The following CMYA5 variants were observed in gnomAD, a reference collection of about 807,000 sequenced individuals.
CMYA5 encodes cardiomyopathy-associated protein 5.
Under a neutral mutation model 318.9 loss-of-function variants are expected in CMYA5, and 246 were observed. That is an observed-to-expected ratio of 0.77 (90% CI 0.70 to 0.86). The LOEUF (loss-of-function observed/expected upper bound fraction) is 0.86, where lower values mean the gene tolerates loss of function less well. CMYA5 is among the 40% of genes least tolerant of loss of function. CMYA5 has a pLI of 0.00. For synonymous variants in CMYA5, 1,641 were observed against 1,729.5 expected (o/e 0.95, Z 1.27); for missense variants, 4,589 against 4,678.2 (o/e 0.98, Z 0.56).
At chr5:79,727,465 A>AT (rs1050704434) in intron 1 of CMYA5, among the ~76,000 whole-genome samples, 1 of 152,028 alleles carries the variant, frequency 6.6e-6, no homozygotes, top group Non-Finnish European at 1.5e-5. Flanking sequence ...CTAACTGTAG[A>AT]TTTTTTTTCA....
rs547549842 is a variant in CMYA5 at position 79,763,162 on chromosome 5, C to T, written c.11508C>T (p.Tyr3836=). 6.2e-6 allele frequency: 10 copies of T among 1,612,588 alleles called. No homozygotes were observed. In the African/African-American group the frequency reaches 1.2e-4, roughly 19 times the overall value. The change falls in exon 9 of 13, where the codon TAC becomes TAT. Residue 3836 remains tyrosine (Y), a synonymous_variant. Transcript: ENST00000446378. ...RPTTPEATET[Y]TLEYCRQHSP... ...CCACCCCAGAGGCCACGGAGACCTA[C>T]ACTCTGGAGTACTGCAGACAGCACT...
intron 2 of CMYA5, among the ~76,000 whole-genome samples, chr5:79,742,746 C>T (rs34880864): frequency 0.29 from 43,843 of 150,634 alleles, 6,450 homozygotes; most frequent in Middle Eastern, 0.34. Context: ...GGAACTGTGC[C>T]AATCATTGAG....
At chr5:79,776,829 G>A (rs776276374) in intron 9 of CMYA5, among the ~76,000 whole-genome samples, 3 of 149,724 alleles carry the variant, frequency 2.0e-5, no homozygotes, top group Non-Finnish European at 4.4e-5. Context: ...CTGCAGTGAC[G>A]ACACTAACTG....
chr5:79,777,492 C>T (rs549811104), intron 9 of CMYA5, among the ~76,000 whole-genome samples: 76 of 152,286 alleles, frequency 5.0e-4, no homozygotes, highest in Non-Finnish European at 8.8e-5. Flanking sequence ...AAATTTTAGG[C>T]CAGGTGTGAT....
chr5:79,799,730 G>A lies in CMYA5; in HGVS notation c.*114G>A. On this transcript the variant is annotated 3_prime_UTR_variant, in exon 13 of 13. Transcript: ENST00000446378. The stretch of plus-strand genomic sequence containing the variant: ...AAGTCTCCCGCGCATTTGCACTAAT[G>A]ATGGCTGCATGCATAGCAATCAGCA... 7.3e-7 allele frequency: 1 copy of A among 1,375,590 alleles called. No homozygotes were observed. Among genetic ancestry groups the A allele is most frequent in the East Asian group, 2.5e-5 (1 of 39,442 alleles). 85.2% of individuals were successfully genotyped at this position (1,375,590 alleles called of 1,614,324 possible).
rs16877109 is a variant in CMYA5 at position 79,728,956 on chromosome 5, A to G, written c.191A>G (p.Tyr64Cys). The stretch of plus-strand genomic sequence containing the variant: ...GAAGAGGGAAAGATCAAGCAGGAGT[A>G]TATCATATCTGACCCCTCCTTTTCC... Reference protein sequence around the residue: ...QDEEGKIKQEYIISDPSFSMV... With the variant: ...QDEEGKIKQECIISDPSFSMV... The change falls in exon 2 of 13, where the codon TAT (tyrosine) becomes TGT (cysteine). Residue 64 changes from tyrosine to cysteine, a missense_variant. Tyr to Cys is a radical substitution (Grantham distance 194). Around this residue, in one of 3 missense-constraint regions of CMYA5, gnomAD observed 2,132 missense variants for 2,131.3 expected, o/e 1.00. Coordinates refer to ENST00000446378, the MANE Select transcript of CMYA5 (RefSeq NM_153610.5). The G allele has an allele frequency of 0.12, 190,463 of 1,608,860 alleles. 21,821 individuals carry two copies. The highest frequency in any genetic ancestry group is 0.53 in the African/African-American group (39,612 of 74,532).
chr5:79,795,897 C>T (rs759918931), intron 12 of CMYA5, among the ~76,000 whole-genome samples: 9 of 152,162 alleles, frequency 5.9e-5, no homozygotes, highest in Admixed American at 2.0e-4. Flanking sequence ...TTGAAGAGAC[C>T]AGCCAGGTCT....
At chr5:79,723,332 G>A (rs147500202) in intron 1 of CMYA5, among the ~76,000 whole-genome samples, 2 of 151,844 alleles carry the variant, frequency 1.3e-5, no homozygotes, top group African/African-American at 2.4e-5. Flanking sequence ...CCAGCTACTC[G>A]GGAGGCTGAG....
Position 79,737,527 on chromosome 5 carries a change from A to G in CMYA5, c.8762A>G (p.Tyr2921Cys), listed in dbSNP as rs770272711. 11 of 1,613,368 alleles carry G rather than the reference A, an allele frequency of 6.8e-6. No individual in the cohort carries two copies. In the Admixed American group the frequency reaches 1.7e-4, roughly 24 times the overall value. The stretch of plus-strand genomic sequence containing the variant: ...ATGCCCAAGGAACCTGAAGACACAT[A>G]TGCAAAAGGTGAAGACTTTACAGTG... ...KEMPKEPEDT[Y>C]AKGEDFTVTS... The change falls in exon 2 of 13, where the codon TAT becomes TGT. Residue 2921 changes from tyrosine (Y) to cysteine (C), a missense_variant. By Grantham distance (194) the Tyr-to-Cys change is radical (BLOSUM62 -2). This residue lies in a region of CMYA5 where 2,431 missense variants were observed against 2,495.1 expected (regional missense o/e 0.97). Coordinates refer to ENST00000446378, the MANE Select transcript of CMYA5 (RefSeq NM_153610.5).
chr5:79,733,730 A>G lies in CMYA5; in HGVS notation c.4965A>G (p.Lys1655=), dbSNP rs1197191495. 1 of 1,613,814 alleles carries G rather than the reference A, an allele frequency of 6.2e-7. No individual in the cohort carries two copies. Among genetic ancestry groups the G allele is most frequent in the South Asian group, 1.1e-5 (1 of 91,070 alleles). Residue 1655 remains lysine, a synonymous_variant, in exon 2 of 13, where the codon AAA becomes AAG. Coordinates refer to ENST00000446378, the MANE Select transcript of CMYA5 (RefSeq NM_153610.5). ...GACAAAGTGGATCCATAGGTACAAA[A>G]CAAGCAAAGTCTCCCATAACTGAAA... is the stretch of plus-strand genomic sequence containing the variant. ...LGRQSGSIGT[K]QAKSPITETE... is the part of the protein sequence containing the mutation.
chr5:79,726,252 T>G (rs1045853479), intron 1 of CMYA5, among the ~76,000 whole-genome samples: 2 of 152,178 alleles, frequency 1.3e-5, no homozygotes, highest in African/African-American at 2.4e-5. Flanking sequence ...AAATTGAACT[T>G]ATAATTGAAT....
Position 79,793,615 on chromosome 5 carries a change from G to A in CMYA5, c.11963+5G>A, listed in dbSNP as rs777283072. Reference sequence around the variant, plus strand: ...GCACTGCTCTGAGCCACAGAGGTAAGCGAGCCCTTCCCCTCCCCTCTTCAT... The same window carrying A: ...GCACTGCTCTGAGCCACAGAGGTAAACGAGCCCTTCCCCTCCCCTCTTCAT... On this transcript the variant is annotated splice_donor_5th_base_variant and intron_variant, in intron 12 of 12. Transcript: ENST00000446378. The A allele has an allele frequency of 2.5e-6, 4 of 1,587,598 alleles. No individual in the cohort carries two copies. Among genetic ancestry groups the A allele is most frequent in the Non-Finnish European group, 3.5e-6 (4 of 1,158,816 alleles).
At chr5:79,776,225 A>G (rs542029011) in intron 9 of CMYA5, among the ~76,000 whole-genome samples, 5 of 152,200 alleles carry the variant, frequency 3.3e-5, no homozygotes, top group Admixed American at 6.5e-5. Flanking sequence ...TTTCCACACT[A>G]TTATGAACTA....
chr5:79,699,657 C>T (rs1827138647), intron 1 of CMYA5, among the ~76,000 whole-genome samples: 2 of 152,132 alleles, frequency 1.3e-5, no homozygotes, highest in South Asian at 2.1e-4. Flanking sequence ...AGGAGTGAAC[C>T]GAGGGTATCA....
At position 79,730,395 on chromosome 5, in the gene CMYA5, G is replaced by A. The variant is rs758517033; in HGVS notation, c.1630G>A (p.Glu544Lys). ...TTACCCAGAAAGCCCATTGGTTTCC[G>A]AGAAGCCCTTCCCACCACATATGTC... ...LDYPESPLVS[E>K]KPFPPHMSPE... is the part of the protein sequence containing the mutation. The change falls in exon 2 of 13, where the codon GAG (glutamate) becomes AAG (lysine). Residue 544 changes from glutamate to lysine, a missense_variant. Glu to Lys is a moderately conservative substitution (Grantham distance 56). Coordinates refer to ENST00000446378, the MANE Select transcript of CMYA5 (RefSeq NM_153610.5). The A allele has an allele frequency of 1.2e-5, 20 of 1,613,754 alleles. No individual in the cohort carries two copies. The highest frequency in any genetic ancestry group is 5.0e-5 in the Admixed American group (3 of 60,010).
chr5:79,734,106 C>G lies in CMYA5; in HGVS notation c.5341C>G (p.Gln1781Glu), dbSNP rs767972080. The G allele has an allele frequency of 2.5e-6, 4 of 1,613,750 alleles. No homozygotes were observed. The South Asian group carries it at 4.4e-5, about 18-fold the overall frequency. Residue 1781 changes from glutamine (Q) to glutamate (E), a missense_variant, in exon 2 of 13, where the codon CAA becomes GAA. Physicochemically the swap from Gln to Glu is conservative, Grantham distance 29. This residue lies in a region of CMYA5 where 2,132 missense variants were observed against 2,131.3 expected (regional missense o/e 1.00). Transcript: ENST00000446378. ...PLPPTGNLKA[Q>E]VMGDILDKLS... is the part of the protein sequence containing the mutation. ...ACCACCAACTGGAAATTTGAAGGCA[C>G]AAGTCATGGGAGATATTTTAGATAA... is the stretch of plus-strand genomic sequence containing the variant.
At chr5:79,700,634 CAAAT>C (rs1296652641) in intron 1 of CMYA5, among the ~76,000 whole-genome samples, 2 of 152,034 alleles carry the variant, frequency 1.3e-5, no homozygotes, top group African/African-American at 2.4e-5. Context: ...AGATAAATGT[CAAAT>C]AAAACCACAA....
intron 9 of CMYA5, among the ~76,000 whole-genome samples, chr5:79,775,033 GAC>G (rs1828914425): frequency 6.6e-6 from 1 of 152,186 alleles, no homozygotes; most frequent in Non-Finnish European, 1.5e-5. Flanking sequence ...TTCACAGGGT[GAC>G]AGGAGGGTCA....
Position 79,732,573 on chromosome 5 carries a change from AAGT to A in CMYA5, c.3809_3811del (p.Lys1270_Leu1271delinsMet). ...TGTGACTTCTGAACTAGAACAGAGA[AAGT>A]TGTCCAAGAATGAGCCTGAAGTAAT... is the stretch of plus-strand genomic sequence containing the variant. On this transcript the variant is annotated inframe_deletion, in exon 2 of 13. Coordinates refer to ENST00000446378, the MANE Select transcript of CMYA5 (RefSeq NM_153610.5). The A allele has an allele frequency of 6.2e-7, 1 of 1,612,998 alleles. No homozygotes were observed. Among genetic ancestry groups the A allele is most frequent in the African/African-American group, 1.3e-5 (1 of 75,046 alleles).
Sources: allele counts gnomAD v4.1 joint callset (sites outside exome capture counted in the v4.1 genomes callset), GRCh38; gene constraint gnomAD v4.1.1; regional missense constraint gnomAD v4.1.1; transcripts MANE v1.5; gene names NCBI Gene and HGNC (gene_info 2026-07-23, HGNC 2026-07-21).